TMEM232: variants seen among roughly 807,000 people sequenced by gnomAD.
The protein encoded by TMEM232 is transmembrane protein 232.
Under a neutral mutation model 78.8 loss-of-function variants are expected in TMEM232, and 80 were observed. That is an observed-to-expected ratio of 1.01 (90% CI 0.85 to 1.22). The LOEUF (loss-of-function observed/expected upper bound fraction) is 1.22, where lower values mean the gene tolerates loss of function less well. Among genes scored for constraint, TMEM232 ranks in the 50% most tolerant of loss-of-function variants. The pLI is 0.00. For missense variants in TMEM232, 881 were observed against 742.2 expected, an observed-to-expected ratio of 1.19 and a Z score of -2.17; for synonymous variants, 297 against 254.3, an observed-to-expected ratio of 1.17 and a Z score of -1.60.
At chr5:110,559,448 G>C (rs1489208082) in intron 11 of TMEM232, among the ~76,000 whole-genome samples, 1 of 151,832 alleles carries the variant, frequency 6.6e-6, no homozygotes, top group Non-Finnish European at 1.5e-5. Flanking sequence ...ACAAAGAGCT[G>C]GTTTATTTTA....
At chr5:110,641,402 T>C (rs1391978426) in intron 3 of TMEM232, among the ~76,000 whole-genome samples, 1 of 152,110 alleles carries the variant, frequency 6.6e-6, no homozygotes. Context: ...ATTGTTGATA[T>C]ACGGAAGTTA....
At chr5:110,607,061 T>C (rs1425167554) in intron 8 of TMEM232, among the ~76,000 whole-genome samples, 1 of 152,054 alleles carries the variant, frequency 6.6e-6, no homozygotes, top group African/African-American at 2.4e-5. Context: ...ACTGTGATAT[T>C]TCAGGCCCAT....
chr5:110,693,112 G>A (rs1393228590), intron 1 of TMEM232, among the ~76,000 whole-genome samples: 2 of 152,118 alleles, frequency 1.3e-5, no homozygotes, highest in African/African-American at 4.8e-5. Context: ...AAAACAACCA[G>A]AGGAACAATC....
At chr5:110,650,340 T>C (rs1160184828) in intron 2 of TMEM232, among the ~76,000 whole-genome samples, 5 of 152,106 alleles carry the variant, frequency 3.3e-5, no homozygotes, top group African/African-American at 1.2e-4. Context: ...TTCAAAATGT[T>C]GAGAAGTAGA....
intron 11 of TMEM232, among the ~76,000 whole-genome samples, chr5:110,546,857 G>A (rs943163127): frequency 2.0e-5 from 3 of 151,836 alleles, no homozygotes; most frequent in East Asian, 1.9e-4. Context: ...AAGGGATTTC[G>A]GGAATTAGCA....
chr5:110,528,496 A>G (rs1393437888), intron 12 of TMEM232, 92 bp downstream of exon 12: 1 of 1,318,460 alleles, frequency 7.6e-7, no homozygotes, highest in Non-Finnish European at 9.9e-7. Context: ...AGAGAAACTG[A>G]GTTAAATGAT....
At chr5:110,682,996 C>A (rs72773149) in intron 1 of TMEM232, among the ~76,000 whole-genome samples, 12,999 of 152,110 alleles carry the variant, frequency 0.085, 586 homozygotes, top group Admixed American at 0.12. Context: ...ATGTCTGTTT[C>A]ATTGTGCAGA....
intron 4 of TMEM232, among the ~76,000 whole-genome samples, chr5:110,389,979 C>CAT (rs1266602084): frequency 6.6e-6 from 1 of 152,180 alleles, no homozygotes; most frequent in African/African-American, 2.4e-5. Flanking sequence ...AATTCTGGTA[C>CAT]ATATGTGTGT....
chr5:110,593,315 T>C (rs1433918223), intron 10 of TMEM232, among the ~76,000 whole-genome samples: 1 of 152,178 alleles, frequency 6.6e-6, no homozygotes, highest in Non-Finnish European at 1.5e-5. Context: ...AAAGACAAAA[T>C]GTCTTCCAAG....
intron 12 of TMEM232, among the ~76,000 whole-genome samples, chr5:110,482,516 T>A (rs925895167): frequency 6.6e-6 from 1 of 151,400 alleles, no homozygotes; most frequent in Non-Finnish European, 1.5e-5. Flanking sequence ...AGGAGGCGGA[T>A]GTTGCAGTGA....
At chr5:110,681,313 G>A (rs1792723251) in intron 1 of TMEM232, among the ~76,000 whole-genome samples, 1 of 152,162 alleles carries the variant, frequency 6.6e-6, no homozygotes, top group South Asian at 2.1e-4. Flanking sequence ...TATCTTCTAT[G>A]GCAATTGCTT....
rs565273086 is a variant in TMEM232, at chr5:110,428,428, A to G, written c.1704-3512T>C. ...CTCTTGGTAGTTTTATAACACAGGA[A>G]TTTCTTTCTCAATGACCTGGAGCCA... On this transcript the variant is annotated intron_variant, in intron 12 of 13. Transcript: ENST00000455884. 8.6e-5 allele frequency among the ~76,000 whole-genome samples: 13 copies of G among 151,836 alleles called. No individual in the cohort carries two copies. The South Asian group carries it at 1.5e-3, about 17-fold the overall frequency.
At chr5:110,421,949 C>T (rs896584928) in intron 13 of TMEM232, among the ~76,000 whole-genome samples, 1 of 152,088 alleles carries the variant, frequency 6.6e-6, no homozygotes, top group South Asian at 2.1e-4. Flanking sequence ...CTCATATGTT[C>T]GGTTTCTCAG....
intron 13 of TMEM232, among the ~76,000 whole-genome samples, chr5:110,423,776 C>CGTGT (rs1403212327): frequency 3.1e-5 from 4 of 127,516 alleles, no homozygotes; most frequent in Admixed American, 8.2e-5. Flanking sequence ...GTTATTTATG[C>CGTGT]GTGCGTGTGT....
chr5:110,614,755 C>T (rs1341330634), intron 8 of TMEM232, among the ~76,000 whole-genome samples: 3 of 151,862 alleles, frequency 2.0e-5, no homozygotes, highest in Admixed American at 1.3e-4. Flanking sequence ...CAAGGGCTTA[C>T]GTAGTTCTAG....
upstream of TMEM232, chr5:110,738,877 G>A: frequency 2.1e-6 from 2 of 948,308 alleles, no homozygotes; most frequent in Non-Finnish European, 3.0e-6. Flanking sequence ...ATTCCCTAAC[G>A]ACAACAAACT....
chr5:110,520,050 T>TATAGAG (rs374219408), intron 12 of TMEM232, among the ~76,000 whole-genome samples: 1,822 of 147,210 alleles, frequency 0.012, 17 homozygotes, highest in Admixed American at 0.015. Context: ...TATATATATA[T>TATAGAG]AGAGAGAGAG....
chr5:110,482,649 G>A (rs970124274), intron 12 of TMEM232, among the ~76,000 whole-genome samples: 6 of 150,982 alleles, frequency 4.0e-5, no homozygotes, highest in Non-Finnish European at 8.8e-5. Flanking sequence ...CAAAAGCAGA[G>A]AGAAGCAAAT....
At chr5:110,589,659 GATAAT>G (rs1242351392) in intron 10 of TMEM232, among the ~76,000 whole-genome samples, 4 of 152,016 alleles carry the variant, frequency 2.6e-5, no homozygotes, top group Admixed American at 6.6e-5. Flanking sequence ...CGAAAATGGG[GATAAT>G]ATGAGTATCT....
Sources: gnomAD v4.1 joint callset for allele counts (sites outside exome capture counted in the v4.1 genomes callset) on GRCh38, gnomAD v4.1.1 for gene constraint, MANE v1.5 for transcripts, NCBI Gene and HGNC (gene_info 2026-07-23, HGNC 2026-07-21) for gene names.